WDPCP: variants seen among roughly 807,000 people sequenced by gnomAD.
The protein encoded by WDPCP is WD repeat-containing and planar cell polarity effector protein fritz homolog.
WDPCP carries 71 observed loss-of-function variants against 93.1 expected under a neutral mutation model. The observed-to-expected ratio is 0.76, with a 90% confidence interval of 0.63 to 0.93. The LOEUF is 0.93. Among genes scored for constraint, WDPCP ranks in the 40% least tolerant of loss-of-function variants. The probability of loss-of-function intolerance (pLI) is 0.00; values close to 1 mark genes in which losing one functional copy is unlikely to be tolerated. For missense variants in WDPCP, 844 were observed against 887.4 expected (o/e 0.95, Z 0.62); for synonymous variants, 315 against 315.0 (o/e 1.00, Z 0.00).
At chr2:63,730,458 C>G (rs1158860897) in intron 2 of WDPCP, among the ~76,000 whole-genome samples, 1 of 152,074 alleles carries the variant, frequency 6.6e-6, no homozygotes, top group Non-Finnish European at 1.5e-5. Flanking sequence ...TCTAGTAATA[C>G]TGTCTTCTTC....
At chr2:63,647,450 G>C (rs1456276524) in intron 3 of WDPCP, among the ~76,000 whole-genome samples, 1 of 152,068 alleles carries the variant, frequency 6.6e-6, no homozygotes, top group Non-Finnish European at 1.5e-5. Flanking sequence ...TTTTCAAATA[G>C]CCTGTCTTGA....
intron 1 of WDPCP, among the ~76,000 whole-genome samples, chr2:63,583,787 G>A (rs753635800): frequency 6.6e-6 from 1 of 151,876 alleles, no homozygotes; most frequent in Non-Finnish European, 1.5e-5. Context: ...AATAATAAAA[G>A]ATAAAGTTCT....
chr2:63,580,753 C>G (rs1025411795), intron 1 of WDPCP, among the ~76,000 whole-genome samples: 2 of 152,142 alleles, frequency 1.3e-5, no homozygotes, highest in Non-Finnish European at 2.9e-5. Context: ...CAACTGGCAG[C>G]GTGTCAACAG....
intron 2 of WDPCP, among the ~76,000 whole-genome samples, chr2:63,697,031 T>C (rs1465573189): frequency 1.3e-5 from 2 of 152,226 alleles, no homozygotes; most frequent in African/African-American, 4.8e-5. Flanking sequence ...TATTCAAGAA[T>C]GGGACTTTGA....
intron 2 of WDPCP, among the ~76,000 whole-genome samples, chr2:63,799,670 T>C (rs887439600): frequency 2.0e-5 from 3 of 152,220 alleles, no homozygotes; most frequent in Non-Finnish European, 2.9e-5. Context: ...CATATTCTTC[T>C]TTTTTAAATT....
At chr2:63,192,061 C>A (rs1430311606) in intron 14 of WDPCP, among the ~76,000 whole-genome samples, 1 of 152,084 alleles carries the variant, frequency 6.6e-6, no homozygotes, top group African/African-American at 2.4e-5. Flanking sequence ...CTCTCCTTAC[C>A]CCCCTTTAAA....
chr2:63,230,168 G>A (rs1678721406), intron 14 of WDPCP, among the ~76,000 whole-genome samples: 1 of 142,390 alleles, frequency 7.0e-6, no homozygotes, highest in African/African-American at 2.6e-5. Context: ...TCCCACTTAT[G>A]AGTGAGAACA....
At chr2:63,449,084 A>T (rs746830949) in intron 6 of WDPCP, among the ~76,000 whole-genome samples, 6 of 152,246 alleles carry the variant, frequency 3.9e-5, no homozygotes, top group South Asian at 2.1e-4. Context: ...TCCACTATGT[A>T]TGCCTATAGC....
intron 13 of WDPCP, among the ~76,000 whole-genome samples, chr2:63,276,316 G>T (rs1039535319): frequency 3.9e-5 from 6 of 152,022 alleles, no homozygotes; most frequent in Non-Finnish European, 7.4e-5. Flanking sequence ...GATAAAACAA[G>T]GTTCTTTAAC....
At chr2:63,254,040 C>G (rs1445334930) in intron 14 of WDPCP, among the ~76,000 whole-genome samples, 1 of 152,116 alleles carries the variant, frequency 6.6e-6, no homozygotes, top group African/African-American at 2.4e-5. Flanking sequence ...CCATGGAAAA[C>G]TATACAGCCA....
At chr2:63,831,841 GA>G (rs2104173017), upstream of WDPCP, among the ~76,000 whole-genome samples, 1 of 152,266 alleles carries the variant, frequency 6.6e-6, no homozygotes, top group African/African-American at 2.4e-5. Context: ...ATTTGACAAG[GA>G]AAGTGATAAA....
At chr2:63,604,393 G>A (rs367974119) in intron 3 of WDPCP, among the ~76,000 whole-genome samples, 3 of 152,138 alleles carry the variant, frequency 2.0e-5, no homozygotes, top group African/African-American at 4.8e-5. Context: ...TAATAGTAAC[G>A]ATTAATGTTT....
At chr2:63,832,102 C>G (rs1671210956), upstream of WDPCP, among the ~76,000 whole-genome samples, 1 of 152,208 alleles carries the variant, frequency 6.6e-6, no homozygotes, top group South Asian at 2.1e-4. Context: ...ACTAGTCTTA[C>G]CTAGTTCACT....
chr2:63,822,479 G>A (rs2104132664), intron 1 of WDPCP, among the ~76,000 whole-genome samples: 1 of 152,152 alleles, frequency 6.6e-6, no homozygotes, highest in Middle Eastern at 3.4e-3. Context: ...ACTAAATTTG[G>A]ATTTTACTTT....
intron 2 of WDPCP, among the ~76,000 whole-genome samples, chr2:63,734,866 TAGATAGACAGACAGAC>T (rs1290028227): frequency 7.6e-4 from 100 of 132,070 alleles, no homozygotes; most frequent in African/African-American, 2.7e-3. Flanking sequence ...TGGAGATAGA[TAGATAGACAGACAGAC>T]AGACAGACAG....
At chr2:63,538,340 T>C (rs542128943) in intron 1 of WDPCP, among the ~76,000 whole-genome samples, 1 of 152,144 alleles carries the variant, frequency 6.6e-6, no homozygotes, top group African/African-American at 2.4e-5. Flanking sequence ...ATGAATTCAT[T>C]AATATGCTAG....
At chr2:63,150,946 C>T (rs985063825) in intron 17 of WDPCP, among the ~76,000 whole-genome samples, 7 of 152,136 alleles carry the variant, frequency 4.6e-5, no homozygotes, top group Non-Finnish European at 1.0e-4. Flanking sequence ...TACTTAATAG[C>T]AATTTCTAAA....
intron 6 of WDPCP, among the ~76,000 whole-genome samples, chr2:63,445,929 T>C (rs1382581337): frequency 6.6e-6 from 1 of 152,158 alleles, no homozygotes; most frequent in Non-Finnish European, 1.5e-5. Flanking sequence ...GTAATAAGGT[T>C]AATCTCATGC....
At chr2:63,356,963 A>C (rs1292371602) in intron 12 of WDPCP, among the ~76,000 whole-genome samples, 1 of 152,218 alleles carries the variant, frequency 6.6e-6, no homozygotes, top group Non-Finnish European at 1.5e-5. Context: ...GAGACCAGAA[A>C]TAAGGCCACA....
Sources: gnomAD v4.1 joint callset for allele counts (sites outside exome capture counted in the v4.1 genomes callset) on GRCh38, gnomAD v4.1.1 for gene constraint, MANE v1.5 for transcripts, NCBI Gene and HGNC (gene_info 2026-07-23, HGNC 2026-07-21) for gene names.